ROBO2: variants seen among roughly 807,000 people sequenced by gnomAD.
The protein encoded by ROBO2 is roundabout homolog 2.
In ROBO2, 53 loss-of-function variants were observed where a neutral mutation model predicts 160.8. The observed-to-expected ratio is 0.33, with a 90% CI of 0.26 to 0.41. ROBO2 has a LOEUF of 0.41. Among genes scored for constraint, ROBO2 ranks in the 10% least tolerant of loss-of-function variants. The probability of loss-of-function intolerance (pLI) is 1.00; values close to 1 mark genes in which losing one functional copy is unlikely to be tolerated. For missense variants in ROBO2, 1,577 were observed against 1,722.4 expected (o/e 0.92, Z 1.49); for synonymous variants, 664 against 611.7 (o/e 1.09, Z -1.26).
intron 2 of ROBO2, among the ~76,000 whole-genome samples, chr3:76,683,672 T>C (rs2092621560): frequency 6.6e-6 from 1 of 152,098 alleles, no homozygotes; most frequent in African/African-American, 2.4e-5. Flanking sequence ...TTATATACAT[T>C]TGTTAGGCTT....
At chr3:76,496,810 C>T (rs911482712) in intron 2 of ROBO2, among the ~76,000 whole-genome samples, 2 of 152,300 alleles carry the variant, frequency 1.3e-5, no homozygotes, top group South Asian at 2.1e-4. Context: ...CAGAATCTGA[C>T]CACTTCTCAT....
chr3:76,855,975 T>A (rs1011761139), intron 2 of ROBO2, among the ~76,000 whole-genome samples: 3 of 152,230 alleles, frequency 2.0e-5, no homozygotes, highest in Non-Finnish European at 4.4e-5. Context: ...AGCATTTCCA[T>A]TCCCTATGCC....
At chr3:77,452,090 C>T (rs2081179025) in intron 2 of ROBO2, among the ~76,000 whole-genome samples, 1 of 152,072 alleles carries the variant, frequency 6.6e-6, no homozygotes, top group African/African-American at 2.4e-5. Context: ...CTTCATTCTT[C>T]TTCCTAGCTT....
In ROBO2 at chr3:76,724,650, T is replaced by C. The variant is rs569508015; in HGVS notation, c.110-373364T>C. Among the ~76,000 whole-genome samples, 3 of 152,298 alleles carry C rather than the reference T, an allele frequency of 2.0e-5. No homozygotes were observed. In the South Asian group the frequency reaches 6.2e-4, roughly 32 times the overall value. On this transcript the variant is annotated intron_variant, in intron 2 of 26. Transcript: ENST00000487694. ...CTATTTGTTTACCAAATACATCCTC[T>C]TGAATTTCCAGCAGCCACTTAAAAT... is the stretch of plus-strand genomic sequence containing the variant.
chr3:76,284,558 G>A (rs952669580), intron 2 of ROBO2, among the ~76,000 whole-genome samples: 20 of 152,044 alleles, frequency 1.3e-4, no homozygotes, highest in African/African-American at 4.8e-4. Flanking sequence ...TTGACTCATT[G>A]ATTTGCAGCT....
At chr3:76,940,877 A>G (rs977294955) in intron 2 of ROBO2, among the ~76,000 whole-genome samples, 6 of 152,226 alleles carry the variant, frequency 3.9e-5, no homozygotes, top group African/African-American at 1.4e-4. Context: ...TTCAGCTTTC[A>G]TCTAAACTTT....
At chr3:76,090,922 A>G (rs2069206070) in intron 2 of ROBO2, among the ~76,000 whole-genome samples, 1 of 152,216 alleles carries the variant, frequency 6.6e-6, no homozygotes, top group African/African-American at 2.4e-5. Context: ...TAATTTGGAC[A>G]TAGGCCTTAC....
At chr3:76,674,598 TCACACA>T (rs71104613) in intron 2 of ROBO2, among the ~76,000 whole-genome samples, 39 of 148,170 alleles carry the variant, frequency 2.6e-4, no homozygotes, top group South Asian at 1.8e-3. Context: ...ACCTCCTAGT[TCACACA>T]CACACACACA....
intron 2 of ROBO2, among the ~76,000 whole-genome samples, chr3:77,259,288 C>T (rs895489238): frequency 1.4e-4 from 22 of 152,132 alleles, no homozygotes; most frequent in African/African-American, 5.3e-4. Flanking sequence ...ATTAAGAATG[C>T]ATGTAAGAAT....
chr3:76,771,478 TTC>T (rs1371736551), intron 2 of ROBO2, among the ~76,000 whole-genome samples: 5 of 151,280 alleles, frequency 3.3e-5, no homozygotes, highest in Admixed American at 1.3e-4. Context: ...TAATATTATT[TTC>T]TCATTTTGAT....
chr3:76,616,499 T>G (rs1043250337), intron 2 of ROBO2, among the ~76,000 whole-genome samples: 4 of 152,184 alleles, frequency 2.6e-5, no homozygotes, highest in African/African-American at 7.2e-5. Flanking sequence ...ATTAGCATTT[T>G]TTTTCTGAGA....
intron 2 of ROBO2, among the ~76,000 whole-genome samples, chr3:77,475,967 A>T (rs971444443): frequency 6.6e-6 from 1 of 152,224 alleles, no homozygotes; most frequent in African/African-American, 2.4e-5. Context: ...TAATCAGCTT[A>T]TAAACTGAGA....
intron 2 of ROBO2, among the ~76,000 whole-genome samples, chr3:76,218,782 A>G (rs1198977154): frequency 1.3e-5 from 2 of 150,382 alleles, no homozygotes; most frequent in African/African-American, 4.9e-5. Flanking sequence ...CAAGCTACCA[A>G]TGACTTTCTT....
chr3:76,253,341 C>A (rs189690503), intron 2 of ROBO2, among the ~76,000 whole-genome samples: 2 of 152,108 alleles, frequency 1.3e-5, no homozygotes, highest in Admixed American at 1.3e-4. Context: ...GACATGACCA[C>A]AGCTCACTGA....
intron 2 of ROBO2, among the ~76,000 whole-genome samples, chr3:77,421,763 G>A (rs1434671007): frequency 6.6e-6 from 1 of 151,472 alleles, no homozygotes; most frequent in Admixed American, 6.6e-5. Flanking sequence ...AATAAAAATG[G>A]GTAAATAACA....
chr3:76,552,070 A>G (rs1333291593), intron 2 of ROBO2, among the ~76,000 whole-genome samples: 1 of 152,158 alleles, frequency 6.6e-6, no homozygotes, highest in Middle Eastern at 3.2e-3. Context: ...CACCCCACGG[A>G]TCCTGTGACA....
chr3:76,473,871 T>C (rs569981525), intron 2 of ROBO2, among the ~76,000 whole-genome samples: 7 of 152,296 alleles, frequency 4.6e-5, no homozygotes, highest in South Asian at 2.1e-4. Context: ...ATGGTCATAT[T>C]TACTTCCTAA....
chr3:76,848,591 T>C (rs894540749), intron 2 of ROBO2, among the ~76,000 whole-genome samples: 1 of 152,214 alleles, frequency 6.6e-6, no homozygotes, highest in Admixed American at 6.5e-5. Flanking sequence ...TAACATAAAG[T>C]ACTGCTTACA....
chr3:77,587,987 T>C (rs2094095785), intron 16 of ROBO2, among the ~76,000 whole-genome samples: 1 of 152,112 alleles, frequency 6.6e-6, no homozygotes, highest in Non-Finnish European at 1.5e-5. Context: ...GCCTAAATTT[T>C]CCAAACATGA....
Sources: gnomAD v4.1 joint callset for allele counts (sites outside exome capture counted in the v4.1 genomes callset) on GRCh38, gnomAD v4.1.1 for gene constraint, MANE v1.5 for transcripts, NCBI Gene and HGNC (gene_info 2026-07-23, HGNC 2026-07-21) for gene names.